The following CDH13 variants were observed in gnomAD, a reference collection of about 807,000 sequenced individuals.
CDH13 encodes the protein cadherin 13, also known as cadherin-13.
Under a neutral mutation model 63.8 loss-of-function variants are expected in CDH13, and 24 were observed. That is an observed-to-expected ratio of 0.38 (90% CI 0.27 to 0.53). CDH13 has a LOEUF of 0.53. Among genes scored for constraint, CDH13 ranks in the 20% least tolerant of loss-of-function variants. CDH13 has a pLI of 0.85. For missense variants in CDH13, 1,049 were observed against 903.1 expected (o/e 1.16, Z -2.07); for synonymous variants, 503 against 355.3 (o/e 1.42, Z -4.67).
chr16:83,162,313 C>T (rs910969751), intron 4 of CDH13, among the ~76,000 whole-genome samples: 5 of 152,078 alleles, frequency 3.3e-5, no homozygotes, highest in Admixed American at 2.0e-4. Flanking sequence ...GACAAAGATG[C>T]TTTCATGATG....
chr16:83,572,674 T>C (rs570210194), intron 7 of CDH13, among the ~76,000 whole-genome samples: 2 of 152,292 alleles, frequency 1.3e-5, no homozygotes, highest in African/African-American at 4.8e-5. Flanking sequence ...TTCCGGGACA[T>C]GGGCAGAGGA....
At chr16:82,841,480 G>A (rs1306851621) in intron 1 of CDH13, among the ~76,000 whole-genome samples, 2 of 152,176 alleles carry the variant, frequency 1.3e-5, no homozygotes, top group African/African-American at 4.8e-5. Flanking sequence ...TATGTCAGGA[G>A]GCAGGATTAT....
intron 1 of CDH13, among the ~76,000 whole-genome samples, chr16:82,665,724 A>AGCC (rs1912505017): frequency 6.6e-6 from 1 of 152,060 alleles, no homozygotes; most frequent in Non-Finnish European, 1.5e-5. Context: ...ATGTGACAGT[A>AGCC]GCCAGCTCCT....
intron 5 of CDH13, among the ~76,000 whole-genome samples, chr16:83,338,818 G>A (rs2090658439): frequency 6.6e-6 from 1 of 152,222 alleles, no homozygotes; most frequent in African/African-American, 2.4e-5. Context: ...TAATAAGGAA[G>A]AAGAGGGATT....
At chr16:82,717,772 C>T (rs1031166854) in intron 1 of CDH13, among the ~76,000 whole-genome samples, 2 of 152,132 alleles carry the variant, frequency 1.3e-5, no homozygotes, top group Admixed American at 6.6e-5. Flanking sequence ...AATGTCTTTA[C>T]CACAAAAGTT....
At chr16:83,005,107 C>A (rs1324216671) in intron 2 of CDH13, among the ~76,000 whole-genome samples, 1 of 152,142 alleles carries the variant, frequency 6.6e-6, no homozygotes, top group Non-Finnish European at 1.5e-5. Context: ...AGTGTAGTTT[C>A]TAACTAAGTA....
At chr16:83,121,702 C>G (rs987699525) in intron 3 of CDH13, among the ~76,000 whole-genome samples, 1 of 152,130 alleles carries the variant, frequency 6.6e-6, no homozygotes, top group African/African-American at 2.4e-5. Flanking sequence ...TCTCACTAAA[C>G]GTCTTCCTTC....
intron 6 of CDH13, among the ~76,000 whole-genome samples, chr16:83,454,714 ATT>A (rs34207129): frequency 5.5e-4 from 83 of 149,794 alleles, no homozygotes; most frequent in South Asian, 3.4e-3. Flanking sequence ...TGTTCTATTG[ATT>A]TTTTTTTTTT....
At chr16:82,765,698 C>T (rs568002464) in intron 1 of CDH13, among the ~76,000 whole-genome samples, 27 of 152,272 alleles carry the variant, frequency 1.8e-4, no homozygotes, top group South Asian at 6.2e-4. Flanking sequence ...TGCTAATTTT[C>T]GGTGTTAAAC....
intron 1 of CDH13, among the ~76,000 whole-genome samples, chr16:82,648,657 A>G (rs369184562): frequency 6.6e-5 from 10 of 152,336 alleles, no homozygotes; most frequent in African/African-American, 2.2e-4. Context: ...AATTTTGTTC[A>G]TGCGTTGGGA....
At chr16:82,829,033 G>A (rs879189365) in intron 1 of CDH13, among the ~76,000 whole-genome samples, 2 of 152,076 alleles carry the variant, frequency 1.3e-5, no homozygotes, top group Admixed American at 1.3e-4. Context: ...AAAAAAGGTG[G>A]ACACATGGAA....
intron 5 of CDH13, among the ~76,000 whole-genome samples, chr16:83,242,456 G>A (rs1237874601): frequency 6.6e-6 from 1 of 152,184 alleles, no homozygotes; most frequent in Non-Finnish European, 1.5e-5. Context: ...CAAATTGTCT[G>A]AGTTGCAGCC....
chr16:83,343,390 T>C (rs2090769236), intron 5 of CDH13, among the ~76,000 whole-genome samples: 1 of 152,214 alleles, frequency 6.6e-6, no homozygotes. Flanking sequence ...TTCCACTGGA[T>C]GTTCAGGCAG....
chr16:83,700,846 G>A (rs1453857626), intron 10 of CDH13, among the ~76,000 whole-genome samples: 1 of 152,156 alleles, frequency 6.6e-6, no homozygotes, highest in Non-Finnish European at 1.5e-5. Flanking sequence ...AATTAAACGG[G>A]CCACGGGAAC....
chr16:83,574,058 G>A (rs560048773), intron 7 of CDH13, among the ~76,000 whole-genome samples: 7 of 152,134 alleles, frequency 4.6e-5, no homozygotes, highest in South Asian at 2.1e-4. Flanking sequence ...CTTAAGCGCC[G>A]TGCCCCTCAA....
chr16:83,412,836 G>T (rs185594491), intron 6 of CDH13, among the ~76,000 whole-genome samples: 1 of 152,218 alleles, frequency 6.6e-6, no homozygotes, highest in Non-Finnish European at 1.5e-5. Flanking sequence ...GGCAAGAACT[G>T]CAGCTTTGGG....
intron 8 of CDH13, among the ~76,000 whole-genome samples, chr16:83,652,322 GT>G (rs1912458838): frequency 6.6e-6 from 1 of 152,184 alleles, no homozygotes; most frequent in African/African-American, 2.4e-5. Context: ...TCTTGTCCTT[GT>G]TTGTGCTGTG....
At chr16:83,577,280 A>G (rs572173189) in intron 7 of CDH13, among the ~76,000 whole-genome samples, 1 of 152,296 alleles carries the variant, frequency 6.6e-6, no homozygotes, top group South Asian at 2.1e-4. Flanking sequence ...TGATTTATGG[A>G]TGATCACATT....
chr16:83,221,216 C>A (rs570655423), intron 5 of CDH13, among the ~76,000 whole-genome samples: 1 of 152,076 alleles, frequency 6.6e-6, no homozygotes, highest in Admixed American at 6.6e-5. Flanking sequence ...CTCTGCTTAC[C>A]GGGGCTGGGA....
Sources: gnomAD v4.1 joint callset for allele counts (sites outside exome capture counted in the v4.1 genomes callset) on GRCh38, gnomAD v4.1.1 for gene constraint, MANE v1.5 for transcripts, NCBI Gene and HGNC (gene_info 2026-07-23, HGNC 2026-07-21) for gene names.